Variants in CYTH3 observed in about 807,000 individuals in gnomAD.
CYTH3 encodes the protein cytohesin 3.
CYTH3 carries 23 observed loss-of-function variants against 55.1 expected under a neutral mutation model. The observed-to-expected ratio is 0.42, with a 90% confidence interval of 0.30 to 0.59. The LOEUF (loss-of-function observed/expected upper bound fraction) is 0.59. Ranked by LOEUF, CYTH3 falls within the 20% of genes least tolerant of loss-of-function variation. The probability of loss-of-function intolerance (pLI) is 0.20; values close to 1 mark genes in which losing one functional copy is unlikely to be tolerated. For missense variants in CYTH3, 413 were observed against 524.8 expected (o/e 0.79, Z 2.08); for synonymous variants, 249 against 194.9 (o/e 1.28, Z -2.31).
At chr7:6,253,128 C>T (rs888117226) in intron 1 of CYTH3, among the ~76,000 whole-genome samples, 2 of 152,034 alleles carry the variant, frequency 1.3e-5, no homozygotes, top group Admixed American at 1.3e-4. Context: ...CTTATCAATT[C>T]TGCTTACACA....
intron 1 of CYTH3, among the ~76,000 whole-genome samples, chr7:6,213,701 T>G (rs1784369607): frequency 6.6e-6 from 1 of 151,914 alleles, no homozygotes; most frequent in Non-Finnish European, 1.5e-5. Flanking sequence ...TCTCTTCGGG[T>G]GTCTGAAGAC....
At position 6,161,852 on chromosome 7, in the gene CYTH3, A is replaced by ATCTT. The variant is rs1437809232; in HGVS notation, c.*3088_*3091dup. On this transcript the variant is annotated 3_prime_UTR_variant, in exon 13 of 13. Coordinates refer to ENST00000350796, the MANE Select transcript of CYTH3 (RefSeq NM_004227.4). ...AGCTCTGACAGCCATCCACCCTCCAATCTTACTTCACTTTACAACCAAGTA... is the reference window on the plus strand; with the variant it reads ...AGCTCTGACAGCCATCCACCCTCCAATCTTTCTTACTTCACTTTACAACCAAGTA... The ATCTT allele has an allele frequency of 2.6e-5, 4 of 152,590 alleles. No individual in the cohort carries two copies. Among genetic ancestry groups the ATCTT allele is most frequent in the Non-Finnish European group, 4.4e-5 (3 of 68,044 alleles). 9.5% of individuals were successfully genotyped at this position (152,590 alleles called of 1,614,324 possible). A position where few individuals can be genotyped will look rare whatever the true frequency, so the allele number is the denominator to read the frequency against.
chr7:6,261,195 G>A (rs1780342613), intron 1 of CYTH3, among the ~76,000 whole-genome samples: 1 of 152,084 alleles, frequency 6.6e-6, no homozygotes, highest in African/African-American at 2.4e-5. Flanking sequence ...CCAATTCACA[G>A]CAGAAGCTGG....
intron 1 of CYTH3, among the ~76,000 whole-genome samples, chr7:6,206,386 C>G (rs1025674565): frequency 3.3e-5 from 5 of 152,164 alleles, no homozygotes; most frequent in Non-Finnish European, 5.9e-5. Context: ...CAGAAAACAT[C>G]CAGAGCAGGT....
chr7:6,190,684 T>C (rs1178070701), intron 1 of CYTH3, among the ~76,000 whole-genome samples, 153 bp from the exon 2 acceptor site: 3 of 152,142 alleles, frequency 2.0e-5, no homozygotes, highest in East Asian at 1.9e-4. Flanking sequence ...GAGACACTCA[T>C]AGGAGCGCTC....
rs1779495032 is a variant in CYTH3 at position 6,235,450 on chromosome 7, G to T, written c.34+37024C>A. 2.0e-5 allele frequency among the ~76,000 whole-genome samples: 3 copies of T among 147,724 alleles called. No individual in the cohort carries two copies. In the Admixed American group the frequency reaches 2.0e-4, roughly 10 times the overall value. On this transcript the variant is annotated intron_variant, in intron 1 of 12. Coordinates refer to ENST00000350796, the MANE Select transcript of CYTH3 (RefSeq NM_004227.4). ...ATTGCACCACTGCACTCCAACCTGG[G>T]AGACAGAGGGAGACTCTATCTCAAA...
intron 1 of CYTH3, among the ~76,000 whole-genome samples, chr7:6,236,843 G>A (rs778119720): frequency 2.7e-5 from 4 of 150,312 alleles, no homozygotes; most frequent in African/African-American, 4.9e-5. Context: ...GATTACAGGC[G>A]TGAGCCACTG....
intron 1 of CYTH3, among the ~76,000 whole-genome samples, chr7:6,269,307 T>G (rs920168473): frequency 6.6e-6 from 1 of 152,200 alleles, no homozygotes; most frequent in East Asian, 1.9e-4. Context: ...GAAACAGACT[T>G]TGTATACTTG....
chr7:6,174,545 T>G (rs1375284126), intron 5 of CYTH3, among the ~76,000 whole-genome samples: 1 of 141,000 alleles, frequency 7.1e-6, no homozygotes, highest in Non-Finnish European at 1.5e-5. Context: ...GTGGGTTTTT[T>G]TTTTTTTTTT....
At chr7:6,177,977 T>A (rs748332831) in intron 4 of CYTH3, 36 bp from the exon 5 acceptor site, 1 of 1,504,296 alleles carries the variant, frequency 6.6e-7, no homozygotes, top group Non-Finnish European at 9.2e-7. Context: ...TGGTTAGGAG[T>A]GTCACTCAAA....
chr7:6,165,704 A>G, intron 10 of CYTH3, 30 bp downstream of exon 10: 1 of 1,613,784 alleles, frequency 6.2e-7, no homozygotes, highest in Non-Finnish European at 8.5e-7. Context: ...GACTGCTGGG[A>G]GGCGGCAAGG....
At chr7:6,173,258 C>A (rs750958845) in intron 6 of CYTH3, among the ~76,000 whole-genome samples, 15 of 152,140 alleles carry the variant, frequency 9.9e-5, no homozygotes, top group Non-Finnish European at 2.2e-4. Flanking sequence ...CCTACATCCT[C>A]TCTGGCACAC....
At chr7:6,247,947 A>G (rs1779863793) in intron 1 of CYTH3, among the ~76,000 whole-genome samples, 1 of 152,102 alleles carries the variant, frequency 6.6e-6, no homozygotes, top group East Asian at 1.9e-4. Flanking sequence ...GAATACAGGC[A>G]TAAGCTTAGT....
chr7:6,215,295 G>C (rs1583169084), intron 1 of CYTH3, among the ~76,000 whole-genome samples: 1 of 152,276 alleles, frequency 6.6e-6, no homozygotes, highest in Middle Eastern at 3.4e-3. Context: ...TTTCCCTAAA[G>C]ACAAATGAGG....
Position 6,269,501 on chromosome 7 carries a change from T to C in CYTH3, c.34+2973A>G, listed in dbSNP as rs148028284. On this transcript the variant is annotated intron_variant, in intron 1 of 12. Coordinates refer to ENST00000350796, the MANE Select transcript of CYTH3 (RefSeq NM_004227.4). ...GTTAATTCACCTCATCTGCCAGGGA[T>C]GGTCCATTCAGGACCATCAATCAGA... Among the ~76,000 whole-genome samples, 209 of 152,252 alleles carry C rather than the reference T, an allele frequency of 1.4e-3. 1 individual carries two copies. The South Asian group carries it at 0.025, about 18-fold the overall frequency.
intron 1 of CYTH3, among the ~76,000 whole-genome samples, chr7:6,196,908 C>CTG (rs1479805608): frequency 6.6e-6 from 1 of 152,184 alleles, no homozygotes; most frequent in African/African-American, 2.4e-5. Flanking sequence ...CTGAGCTCTC[C>CTG]TGTGCAGATA....
At chr7:6,253,794 T>C (rs1179184414) in intron 1 of CYTH3, among the ~76,000 whole-genome samples, 1 of 150,728 alleles carries the variant, frequency 6.6e-6, no homozygotes, top group Non-Finnish European at 1.5e-5. Context: ...CCAGCCTGGG[T>C]GACAGAGTGA....
rs778048265 is a variant in CYTH3, at chr7:6,165,311, C to A, written c.1089G>T (p.Pro363=). 2.8e-5 allele frequency: 45 copies of A among 1,613,840 alleles called. No individual in the cohort carries two copies. Among genetic ancestry groups the A allele is most frequent in the Admixed American group, 1.0e-4 (6 of 59,972 alleles). ...GNHVVYRISA[P]SPEEKEEWMK... ...TCCACTCCTCCTTCTCCTCCGGGCT[C>A]GGGGCTGAGATCCGGTACACCACAT... is the stretch of plus-strand genomic sequence containing the variant. The change falls in exon 12 of 13, where the codon CCG becomes CCT. Residue 363 remains proline (P), a synonymous_variant. Coordinates refer to ENST00000350796, the MANE Select transcript of CYTH3 (RefSeq NM_004227.4).
chr7:6,171,248 G>A lies in CYTH3; in HGVS notation c.516C>T (p.Phe172=), dbSNP rs773232237. 15 of 1,614,046 alleles carry A rather than the reference G, an allele frequency of 9.3e-6. No homozygotes were observed. Among genetic ancestry groups the A allele is most frequent in the Admixed American group, 5.0e-5 (3 of 60,008 alleles). ...AQKIDRMMEA[F]ASRYCLCNPG... ...GGTTGCACAGGCAGTAGCGAGAAGC[G>A]AAAGCCTCCATCATGCGATCAATCT... is the stretch of plus-strand genomic sequence containing the variant. Residue 172 remains phenylalanine (F), a synonymous_variant, in exon 7 of 13, where the codon TTC becomes TTT. Coordinates refer to ENST00000350796, the MANE Select transcript of CYTH3 (RefSeq NM_004227.4). This position sits in a 1 kb window ranked among gnomAD's most constrained non-coding sequence, Gnocchi z 6.7.
Sources: gnomAD v4.1 joint callset for allele counts (sites outside exome capture counted in the v4.1 genomes callset) on GRCh38, gnomAD v4.1.1 for gene constraint, Gnocchi (gnomAD v3.1) non-coding constraint, MANE v1.5 for transcripts, NCBI Gene and HGNC (gene_info 2026-07-23, HGNC 2026-07-21) for gene names.